The following HFE variants were observed in gnomAD, a reference collection of about 807,000 sequenced individuals.
The protein encoded by HFE is hereditary hemochromatosis protein.
Under a neutral mutation model 40.9 loss-of-function variants are expected in HFE, and 36 were observed. The ratio of observed to expected loss-of-function variants is 0.88; its 90% CI spans 0.67 to 1.16. HFE has a LOEUF of 1.16. Among genes scored for constraint, HFE ranks in the 50% most tolerant of loss-of-function variants. The pLI is 0.00. For missense variants in HFE, 376 were observed against 432.0 expected (o/e 0.87, Z 1.15); for synonymous variants, 157 against 165.4 (o/e 0.95, Z 0.39).
intron 1 of HFE, among the ~76,000 whole-genome samples, chr6:26,090,442 CAAA>C (rs56267433): frequency 1.3e-3 from 46 of 36,718 alleles, no homozygotes; most frequent in Middle Eastern, 0.029. Context: ...GACTCTGTCT[CAAA>C]AAAAAAAAAA....
At chr6:26,088,861 T>G (rs1013446571) in intron 1 of HFE, among the ~76,000 whole-genome samples, 2 of 152,088 alleles carry the variant, frequency 1.3e-5, no homozygotes, top group Non-Finnish European at 2.9e-5. Context: ...CCCTTTGATA[T>G]TTTGCATTCT....
chr6:26,093,949 A>G (rs1022249459), intron 5 of HFE, among the ~76,000 whole-genome samples: 4 of 152,108 alleles, frequency 2.6e-5, no homozygotes, highest in Admixed American at 1.3e-4. Flanking sequence ...GGATCCTAAG[A>G]AAGGAGGACC....
In HFE at chr6:26,091,136, G is replaced by T. The variant is rs1762672956; in HGVS notation, c.340+32G>T. 5 of 1,613,506 alleles carry T rather than the reference G, an allele frequency of 3.1e-6. No homozygotes were observed. The East Asian group carries it at 1.1e-4, about 36-fold the overall frequency. The stretch of plus-strand genomic sequence containing the variant: ...GGAGAGGGGGCCTCACCTTCCTGAG[G>T]TTGTCAGAGCTTTTCATCTTTTCAT... On this transcript the variant is annotated intron_variant, in intron 2 of 5. Coordinates refer to ENST00000357618, the MANE Select transcript of HFE (RefSeq NM_000410.4).
Position 26,096,562 on chromosome 6 carries a change from A to G in HFE, c.*2336A>G, listed in dbSNP as rs1471415120. 1 of 456,338 alleles carries G rather than the reference A, an allele frequency of 2.2e-6. No individual in the cohort carries two copies. The highest frequency in any genetic ancestry group is 4.4e-6 in the Non-Finnish European group (1 of 226,808). 28.3% of individuals were successfully genotyped at this position (456,338 alleles called of 1,614,324 possible). On this transcript the variant is annotated 3_prime_UTR_variant, in exon 6 of 6. Transcript: ENST00000357618. ...GCAGGTGCTTCAGGATACCATATAC[A>G]GCTCAGAAGTTTCTTCTTTAGGCAT...
intron 1 of HFE, 41 bp from the exon 2 acceptor site, chr6:26,090,800 C>G: frequency 1.2e-6 from 2 of 1,609,264 alleles, no homozygotes; most frequent in Non-Finnish European, 1.7e-6. Flanking sequence ...TCCTGCTCCC[C>G]TCCTACTACA....
intron 3 of HFE, among the ~76,000 whole-genome samples, chr6:26,092,173 TAAAA>T (rs34225963): frequency 3.0e-5 from 3 of 98,742 alleles, no homozygotes; most frequent in Non-Finnish European, 1.9e-5. Context: ...GACTCCATCT[TAAAA>T]AAAAAAAAAA....
At chr6:26,093,045 T>A in intron 4 of HFE, 74 bp from the exon 5 acceptor site, 2 of 1,613,860 alleles carry the variant, frequency 1.2e-6, no homozygotes, top group Non-Finnish European at 1.7e-6. Context: ...GGCAGTGAGA[T>A]GAGGATCTGC....
At position 26,092,552 on chromosome 6, in the gene HFE, G is replaced by A. The variant is rs190677561; in HGVS notation, c.617-133G>A. The A allele has an allele frequency of 4.5e-5, 68 of 1,527,606 alleles. No homozygotes were observed. The East Asian group carries it at 1.4e-3, about 32-fold the overall frequency. 94.6% of individuals were successfully genotyped at this position (1,527,606 alleles called of 1,614,324 possible). A position where few individuals can be genotyped will look rare whatever the true frequency, so the allele number is the denominator to read the frequency against. ...GTCCAATCTTAGGACACAAAATGGT[G>A]TCTCTCCTGTAGCTTGTTTTTTTCT... On this transcript the variant is annotated intron_variant, in intron 3 of 5. Transcript: ENST00000357618.
chr6:26,089,632 A>G (rs1762536170), intron 1 of HFE, among the ~76,000 whole-genome samples: 1 of 152,136 alleles, frequency 6.6e-6, no homozygotes, highest in Non-Finnish European at 1.5e-5. Context: ...GAAGGATTCT[A>G]TGTTGTGTGA....
intron 2 of HFE, 27 bp from the exon 3 acceptor site, chr6:26,091,287 A>C (rs779163263): frequency 1.2e-6 from 2 of 1,614,104 alleles, no homozygotes; most frequent in African/African-American, 1.3e-5. Flanking sequence ...CTTTGGTTGC[A>C]GTTAACAAGG....
chr6:26,091,203 A>G, intron 2 of HFE, 99 bp downstream of exon 2: 2 of 1,602,242 alleles, frequency 1.2e-6, no homozygotes, highest in Non-Finnish European at 1.7e-6. Context: ...GTCTTGTGGG[A>G]GCAGGGAAGA....
At chr6:26,091,241 T>C (rs1252558099) in intron 2 of HFE, 73 bp from the exon 3 acceptor site, 1 of 1,610,322 alleles carries the variant, frequency 6.2e-7, no homozygotes, top group Non-Finnish European at 8.5e-7. Context: ...CTGAGATCAT[T>C]TGGTCCTTGG....
chr6:26,092,730 C>A lies in HFE; in HGVS notation c.662C>A (p.Thr221Asn). The A allele has an allele frequency of 1.2e-6, 2 of 1,614,226 alleles. No individual in the cohort carries two copies. Among genetic ancestry groups the A allele is most frequent in the Non-Finnish European group, 1.7e-6 (2 of 1,180,034 alleles). Residue 221 changes from threonine to asparagine, a missense_variant, in exon 4 of 6, where the codon ACC becomes AAC. Transcript: ENST00000357618. ...ACACATCATGTGACCTCTTCAGTGA[C>A]CACTCTACGGTGTCGGGCCTTGAAC... The part of the protein sequence containing the change: ...KVTHHVTSSV[T>N]TLRCRALNYY...
At position 26,093,244 on chromosome 6, in the gene HFE, C is replaced by G. The variant is rs757843116; in HGVS notation, c.1006+12C>G. On this transcript the variant is annotated intron_variant, in intron 5 of 5. Transcript: ENST00000357618. ...GAGGCAGGGTTCAAGTGAGTAGGAA[C>G]AAGGGGGAAGTCTCTTAGTACCTCT... 1 of 1,575,686 alleles carries G rather than the reference C, an allele frequency of 6.3e-7. No homozygotes were observed. The highest frequency in any genetic ancestry group is 8.7e-7 in the Non-Finnish European group (1 of 1,145,210).
At position 26,091,534 on chromosome 6, in the gene HFE, C is replaced by T. The variant is rs940270477; in HGVS notation, c.561C>T (p.Cys187=). ...RQNRAYLERD[C]PAQLQQLLEL... is the part of the protein sequence containing the mutation. ...ACAGGGCCTACCTGGAGAGGGACTG[C>T]CCTGCACAGCTGCAGCAGTTGCTGG... Residue 187 remains cysteine (C), a synonymous_variant, in exon 3 of 6, where the codon TGC becomes TGT. Transcript: ENST00000357618. 6.2e-7 allele frequency: 1 copy of T among 1,613,834 alleles called. No individual in the cohort carries two copies. The highest frequency in any genetic ancestry group is 1.3e-5 in the African/African-American group (1 of 74,908).
At chr6:26,090,770 A>T in intron 1 of HFE, 71 bp from the exon 2 acceptor site, 2 of 1,467,036 alleles carry the variant, frequency 1.4e-6, no homozygotes, top group Non-Finnish European at 1.9e-6. Flanking sequence ...GAGTTGATGC[A>T]GGTGTGTGGA....
intron 2 of HFE, 26 bp from the exon 3 acceptor site, chr6:26,091,288 G>A (rs377614824): frequency 3.2e-5 from 52 of 1,614,010 alleles, no homozygotes; most frequent in Non-Finnish European, 4.3e-5. Context: ...TTTGGTTGCA[G>A]TTAACAAGGC....
chr6:26,097,350 T>A lies in HFE; in HGVS notation c.*3124T>A, dbSNP rs1763080514. On this transcript the variant is annotated 3_prime_UTR_variant, in exon 6 of 6. Transcript: ENST00000357618. ...GTTTTTTAAGCTTAATTTTTCTGGC[T>A]TTATTCATAAATTCTTAAGGTCAAC... 1 of 152,234 alleles carries A rather than the reference T, an allele frequency of 6.6e-6. No homozygotes were observed. The highest frequency in any genetic ancestry group is 2.4e-5 in the African/African-American group (1 of 41,446). 9.4% of individuals were successfully genotyped at this position (152,234 alleles called of 1,614,324 possible).
chr6:26,093,144 C>T lies in HFE; in HGVS notation c.918C>T (p.Val306=). ...IWEPSPSGTL[V]IGVISGIAVF... The stretch of plus-strand genomic sequence containing the variant: ...AGCCCTCACCGTCTGGCACCCTAGT[C>T]ATTGGAGTCATCAGTGGAATTGCTG... Residue 306 remains valine (V), a synonymous_variant, in exon 5 of 6, where the codon GTC becomes GTT. Coordinates refer to ENST00000357618, the MANE Select transcript of HFE (RefSeq NM_000410.4). The T allele has an allele frequency of 6.2e-7, 1 of 1,614,094 alleles. No individual in the cohort carries two copies. Among genetic ancestry groups the T allele is most frequent in the Non-Finnish European group, 8.5e-7 (1 of 1,179,988 alleles).
Sources: allele counts gnomAD v4.1 joint callset (sites outside exome capture counted in the v4.1 genomes callset), GRCh38; gene constraint gnomAD v4.1.1; transcripts MANE v1.5; gene names NCBI Gene and HGNC (gene_info 2026-07-23, HGNC 2026-07-21).